The following CCDC73 variants were observed in gnomAD, a reference collection of about 807,000 sequenced individuals.
CCDC73 encodes coiled-coil domain containing 73, also known as coiled-coil domain-containing protein 73.
Under a neutral mutation model 116.5 loss-of-function variants are expected in CCDC73, and 95 were observed. The observed-to-expected ratio is 0.82, with a 90% confidence interval of 0.69 to 0.97. The LOEUF (loss-of-function observed/expected upper bound fraction) is 0.97. CCDC73 is among the 50% of genes least tolerant of loss of function. CCDC73 has a pLI of 0.00. For missense variants in CCDC73, 1,066 were observed against 1,206.8 expected, an observed-to-expected ratio of 0.88 and a Z score of 1.73; for synonymous variants, 398 against 401.3, an observed-to-expected ratio of 0.99 and a Z score of 0.10.
chr11:32,653,873 T>C lies in CCDC73; in HGVS notation c.834+105A>G, dbSNP rs537331222. ...TATACACATGTACATTTAATACACA[T>C]TAACTGAGTGCCTACTATGTGCTAT... On this transcript the variant is annotated intron_variant, in intron 11 of 17. Coordinates refer to ENST00000335185, the MANE Select transcript of CCDC73 (RefSeq NM_001008391.4). 1,460 of 1,272,958 alleles carry C rather than the reference T, an allele frequency of 1.1e-3. 5 individuals carry two copies. The highest frequency in any genetic ancestry group is 3.0e-3 in the Middle Eastern group (15 of 5,078). The allele number at this position is 1,272,958 out of a possible 1,614,324, so 78.9% of individuals were successfully genotyped here.
intron 9 of CCDC73, among the ~76,000 whole-genome samples, chr11:32,664,466 G>A (rs890941236): frequency 1.4e-4 from 22 of 152,092 alleles, no homozygotes; most frequent in African/African-American, 2.9e-4. Context: ...GTTTATTTGC[G>A]TAGAGGTGTT....
intron 12 of CCDC73, 109 bp from the exon 13 acceptor site, chr11:32,642,191 G>T: frequency 8.4e-7 from 1 of 1,193,536 alleles, no homozygotes; most frequent in Non-Finnish European, 1.1e-6. Flanking sequence ...GTGCCATACA[G>T]ATCAGTGATA....
At chr11:32,668,144 A>G (rs538750388) in intron 9 of CCDC73, among the ~76,000 whole-genome samples, 1 of 152,352 alleles carries the variant, frequency 6.6e-6, no homozygotes, top group South Asian at 2.1e-4. Context: ...ACTTCTACTA[A>G]GCCGAATTCA....
At chr11:32,815,730 C>G in the CCDC73 span, among the ~76,000 whole-genome samples, 1 of 152,134 alleles carries the variant, frequency 6.6e-6, no homozygotes, top group Non-Finnish European at 1.5e-5. Context: ...AGGTCCTCAC[C>G]CAAACCTGCC....
chr11:32,676,078 AC>A (rs1300926152), intron 7 of CCDC73, 57 bp from the exon 8 acceptor site: 14 of 1,368,726 alleles, frequency 1.0e-5, no homozygotes, highest in Non-Finnish European at 1.4e-5. Context: ...ATCGCCACAC[AC>A]AACAAATATG....
rs775873604 is a variant in CCDC73, at chr11:32,653,208, T to G, written c.854A>C (p.Gln285Pro). The G allele has an allele frequency of 2.5e-6, 4 of 1,608,912 alleles. No homozygotes were observed. Among genetic ancestry groups the G allele is most frequent in the Non-Finnish European group, 3.4e-6 (4 of 1,176,390 alleles). Residue 285 changes from glutamine to proline, a missense_variant, in exon 12 of 18, where the codon CAA (glutamine) becomes CCA (proline). Coordinates refer to ENST00000335185, the MANE Select transcript of CCDC73 (RefSeq NM_001008391.4). ...TTGCCGAAGTAACTGCTGCATATGT[T>G]GGAAAGAAATGATGATATCCTTTGA... ...EEKQDIIISF[Q>P]HMQQLLRQQI...
At chr11:32,735,630 G>T (rs935116625) in intron 2 of CCDC73, among the ~76,000 whole-genome samples, 1 of 152,188 alleles carries the variant, frequency 6.6e-6, no homozygotes, top group Non-Finnish European at 1.5e-5. Context: ...AGCTACCAAT[G>T]ACTTTCTTCA....
At chr11:32,741,724 T>C (rs1164270980) in intron 2 of CCDC73, among the ~76,000 whole-genome samples, 2 of 152,056 alleles carry the variant, frequency 1.3e-5, no homozygotes, top group African/African-American at 4.8e-5. Context: ...TTCTGTTACA[T>C]AGGTATTCAC....
chr11:32,698,011 ATTTTTTTTTTTTT>A (rs869153507), intron 6 of CCDC73, among the ~76,000 whole-genome samples: 11 of 18,898 alleles, frequency 5.8e-4, no homozygotes, highest in African/African-American at 1.9e-3. Context: ...CTAACACTGA[ATTTTTTTTTTTTT>A]TTTTTTTTTT....
In CCDC73 at chr11:32,766,477, GAAAT is replaced by G. The variant is rs1248215366; in HGVS notation, c.-15-6223_-15-6220del. ...GGCCAGGGCAATCAGGCAGGAGAAA[GAAAT>G]AAAGGGTATTCAGTTAGGGAAAGAG... On this transcript the variant is annotated intron_variant, in intron 1 of 17. Transcript: ENST00000335185. 2.6e-5 allele frequency among the ~76,000 whole-genome samples: 4 copies of G among 152,272 alleles called. No individual in the cohort carries two copies. The East Asian group carries it at 7.7e-4, about 29-fold the overall frequency.
Position 32,730,015 on chromosome 11 carries a change from CT to C in CCDC73, c.136-11869del, listed in dbSNP as rs144798447. Reference sequence around the variant, plus strand: ...CAAAGTTAAGTCACTTCTTTTCCCCCTACTCTGCTCACTGAAGTTTATGTTA... The same window carrying C: ...CAAAGTTAAGTCACTTCTTTTCCCCCACTCTGCTCACTGAAGTTTATGTTA... On this transcript the variant is annotated intron_variant, in intron 2 of 17. Transcript: ENST00000335185. Among the ~76,000 whole-genome samples the C allele has an allele frequency of 8.1e-4, 123 of 152,322 alleles. 2 individuals carry two copies. The East Asian group carries it at 0.022, about 27-fold the overall frequency.
chr11:32,701,888 C>A (rs1241388403), intron 4 of CCDC73, among the ~76,000 whole-genome samples: 2 of 152,170 alleles, frequency 1.3e-5, no homozygotes, highest in Non-Finnish European at 2.9e-5. Flanking sequence ...AAAGCACACA[C>A]ACACACAAAG....
chr11:32,728,381 C>A (rs986282440), intron 2 of CCDC73, among the ~76,000 whole-genome samples: 1 of 152,064 alleles, frequency 6.6e-6, no homozygotes, highest in Admixed American at 6.5e-5. Context: ...CCAGTTTTAA[C>A]CGTGGGAGCT....
chr11:32,737,055 G>A (rs1202112179), intron 2 of CCDC73, among the ~76,000 whole-genome samples: 2 of 150,936 alleles, frequency 1.3e-5, no homozygotes, highest in East Asian at 1.9e-4. Context: ...CCTAGTAGCT[G>A]CAACTCCAGG....
chr11:32,825,786 G>C, the CCDC73 span, among the ~76,000 whole-genome samples: 2 of 152,092 alleles, frequency 1.3e-5, no homozygotes, highest in Non-Finnish European at 2.9e-5. Context: ...AAATTGTGTG[G>C]CAATCAGAAA....
At chr11:32,777,805 G>A (rs1850550797) in intron 1 of CCDC73, among the ~76,000 whole-genome samples, 2 of 151,998 alleles carry the variant, frequency 1.3e-5, no homozygotes, top group African/African-American at 4.8e-5. Context: ...TGCTACATTT[G>A]TATTTGTGAT....
At position 32,636,411 on chromosome 11, in the gene CCDC73, C is replaced by A. The variant is rs1855679481; in HGVS notation, c.1051-581G>T. 3.3e-5 allele frequency among the ~76,000 whole-genome samples: 5 copies of A among 152,098 alleles called. No homozygotes were observed. The South Asian group carries it at 1.0e-3, about 32-fold the overall frequency. The stretch of plus-strand genomic sequence containing the variant: ...TGACATGTCAGCCGTATATTTATAT[C>A]CATAAATTAGACTTTCACTCCCTAT... On this transcript the variant is annotated intron_variant, in intron 13 of 17. Coordinates refer to ENST00000335185, the MANE Select transcript of CCDC73 (RefSeq NM_001008391.4).
At chr11:32,676,902 TATA>T (rs756735515) in intron 7 of CCDC73, among the ~76,000 whole-genome samples, 15 of 152,214 alleles carry the variant, frequency 9.9e-5, no homozygotes, top group African/African-American at 1.4e-4. Flanking sequence ...ACCTTACTTA[TATA>T]ATATTATATG....
the CCDC73 span, among the ~76,000 whole-genome samples, chr11:32,808,989 AATAG>A: frequency 6.6e-6 from 1 of 152,210 alleles, no homozygotes; most frequent in Non-Finnish European, 1.5e-5. Context: ...TGCAGCATAT[AATAG>A]ATAGAATTCC....
Sources: allele counts gnomAD v4.1 joint callset (sites outside exome capture counted in the v4.1 genomes callset), GRCh38; gene constraint gnomAD v4.1.1; transcripts MANE v1.5; gene names NCBI Gene and HGNC (gene_info 2026-07-23, HGNC 2026-07-21).